The following CDH8 variants were observed in gnomAD, a reference collection of about 807,000 sequenced individuals.
The protein encoded by CDH8 is cadherin 8.
CDH8 carries 17 observed loss-of-function variants against 68.1 expected under a neutral mutation model. That is an observed-to-expected ratio of 0.25 (90% CI 0.17 to 0.37). CDH8 has a LOEUF of 0.37. Ranked by LOEUF, CDH8 falls within the 10% of genes least tolerant of loss-of-function variation. CDH8 has a pLI of 1.00. For synonymous variants in CDH8, 372 were observed against 365.1 expected (o/e 1.02, Z -0.21); for missense variants, 763 against 999.3 (o/e 0.76, Z 3.19).
intron 4 of CDH8, among the ~76,000 whole-genome samples, chr16:61,856,089 G>A (rs1963041022): frequency 6.6e-6 from 1 of 151,998 alleles, no homozygotes; most frequent in South Asian, 2.1e-4. Context: ...AAAGAAAAAA[G>A]CAGGGGTAGT....
intron 2 of CDH8, among the ~76,000 whole-genome samples, chr16:61,998,215 CTT>C (rs1470014707): frequency 6.6e-6 from 1 of 152,150 alleles, no homozygotes; most frequent in East Asian, 1.9e-4. Context: ...AAATTAAACA[CTT>C]GATGAATATG....
chr16:61,753,904 C>T (rs1336271097), intron 8 of CDH8, among the ~76,000 whole-genome samples: 1 of 152,072 alleles, frequency 6.6e-6, no homozygotes, highest in Non-Finnish European at 1.5e-5. Context: ...GAGCTTTCAT[C>T]TGCCAGGTCA....
At chr16:61,798,636 AG>A (rs1961550932) in intron 7 of CDH8, among the ~76,000 whole-genome samples, 2 of 152,198 alleles carry the variant, frequency 1.3e-5, no homozygotes, top group African/African-American at 4.8e-5. Flanking sequence ...TGGAGATCAA[AG>A]GATAAGAGAT....
intron 2 of CDH8, among the ~76,000 whole-genome samples, chr16:61,944,545 T>A (rs1212793827): frequency 6.6e-6 from 1 of 152,214 alleles, no homozygotes; most frequent in Non-Finnish European, 1.5e-5. Flanking sequence ...AAATCAGGAA[T>A]AATTTTGGCA....
chr16:61,932,513 C>T (rs929159558), intron 2 of CDH8, among the ~76,000 whole-genome samples: 1 of 151,820 alleles, frequency 6.6e-6, no homozygotes, highest in Non-Finnish European at 1.5e-5. Context: ...AATATTGTAC[C>T]ACTCCCGTAT....
chr16:61,888,130 T>C (rs890118286), intron 3 of CDH8, among the ~76,000 whole-genome samples: 4 of 152,144 alleles, frequency 2.6e-5, no homozygotes, highest in Non-Finnish European at 4.4e-5. Flanking sequence ...CATGTTGGCA[T>C]GCAGCAACAT....
At chr16:61,795,424 A>C (rs1480070964) in intron 7 of CDH8, among the ~76,000 whole-genome samples, 1 of 152,074 alleles carries the variant, frequency 6.6e-6, no homozygotes. Context: ...GGGGAATAAC[A>C]TTGAAACTCT....
rs1252910392 is a variant in CDH8, at chr16:61,724,768, T to C, written c.1536+2326A>G. On this transcript the variant is annotated intron_variant, in intron 9 of 11. Coordinates refer to ENST00000577390, the MANE Select transcript of CDH8 (RefSeq NM_001796.5). ...GCTAAGGAATATTCTAGTTCCATAG[T>C]GAGTCAGTCATTTGTGTGGTATTAT... Among the ~76,000 whole-genome samples, 4 of 150,966 alleles carry C rather than the reference T, an allele frequency of 2.6e-5. No homozygotes were observed. In the Admixed American group the frequency reaches 2.7e-4, roughly 10 times the overall value.
chr16:62,020,140 C>A (rs78807116), intron 2 of CDH8, among the ~76,000 whole-genome samples: 22 of 152,268 alleles, frequency 1.4e-4, no homozygotes, highest in African/African-American at 5.3e-4. Context: ...ATCAGAAGTT[C>A]CCAGTGAAAC....
At chr16:61,670,394 G>T (rs1194780661) in intron 10 of CDH8, among the ~76,000 whole-genome samples, 1 of 151,996 alleles carries the variant, frequency 6.6e-6, no homozygotes, top group Admixed American at 6.6e-5. Flanking sequence ...AATATGAGAG[G>T]GTGAATGTGT....
chr16:61,691,482 C>T, intron 10 of CDH8, among the ~76,000 whole-genome samples: 1 of 151,782 alleles, frequency 6.6e-6, no homozygotes, highest in East Asian at 1.9e-4. Context: ...CTTCATTGTG[C>T]CTCTGTCACC....
At chr16:61,700,320 G>T (rs563513064) in intron 10 of CDH8, among the ~76,000 whole-genome samples, 4 of 147,104 alleles carry the variant, frequency 2.7e-5, no homozygotes, top group African/African-American at 1.0e-4. Flanking sequence ...TCACTCTGTC[G>T]CCCAGGCTGG....
chr16:61,868,730 C>A (rs1483564510), intron 3 of CDH8, among the ~76,000 whole-genome samples: 2 of 152,084 alleles, frequency 1.3e-5, no homozygotes, highest in African/African-American at 4.8e-5. Flanking sequence ...ACTTCAAATT[C>A]TGAATTTTCA....
Position 61,647,979 on chromosome 16 carries a change from C to T in CDH8, c.*5629G>A. The T allele has an allele frequency of 1.6e-6, 1 of 627,324 alleles. No individual in the cohort carries two copies. The allele number at this position is 627,324 out of a possible 1,614,324, so 38.9% of individuals were successfully genotyped here. A position where few individuals can be genotyped will look rare whatever the true frequency, so the allele number is the denominator to read the frequency against. On this transcript the variant is annotated 3_prime_UTR_variant, in exon 12 of 12. Transcript: ENST00000577390. ...ATTCAAGATGTGAATTAGATGGTGG[C>T]AGGTAACTCAAGTTGGGGAAATAGT...
intron 2 of CDH8, among the ~76,000 whole-genome samples, chr16:61,917,987 T>C (rs1010892612): frequency 2.3e-5 from 3 of 128,694 alleles, no homozygotes; most frequent in African/African-American, 9.3e-5. Context: ...TTTTTTTTTT[T>C]ACCGTACTGA....
intron 7 of CDH8, among the ~76,000 whole-genome samples, chr16:61,814,347 T>C (rs1444043019): frequency 6.6e-6 from 1 of 152,230 alleles, no homozygotes; most frequent in Non-Finnish European, 1.5e-5. Context: ...TTAATGTTCC[T>C]GCAAGTGAGA....
intron 1 of CDH8, among the ~76,000 whole-genome samples, chr16:62,029,436 G>T (rs1166423708): frequency 6.6e-6 from 1 of 152,138 alleles, no homozygotes; most frequent in Non-Finnish European, 1.5e-5. Flanking sequence ...TAGCATTTTA[G>T]AAATAGCTTT....
At chr16:61,760,493 A>C (rs1341967271) in intron 8 of CDH8, among the ~76,000 whole-genome samples, 1 of 151,602 alleles carries the variant, frequency 6.6e-6, no homozygotes, top group Non-Finnish European at 1.5e-5. Flanking sequence ...TTGAATTTTT[A>C]GTAGAGACAG....
At chr16:61,717,937 T>C (rs1462668595) in intron 9 of CDH8, among the ~76,000 whole-genome samples, 6 of 151,498 alleles carry the variant, frequency 4.0e-5, no homozygotes, top group Admixed American at 2.0e-4. Context: ...ATGTATTATA[T>C]ACATTCAAAT....
Sources: allele counts gnomAD v4.1 joint callset (sites outside exome capture counted in the v4.1 genomes callset), GRCh38; gene constraint gnomAD v4.1.1; transcripts MANE v1.5; gene names NCBI Gene and HGNC (gene_info 2026-07-23, HGNC 2026-07-21).